The following TBC1D22A variants were observed in gnomAD, a reference collection of about 807,000 sequenced individuals.
TBC1D22A encodes TBC1 domain family member 22A, also known as putative GTPase activator.
A neutral mutation model predicts 60.2 loss-of-function variants in TBC1D22A; 38 were observed. That is an observed-to-expected ratio of 0.63 (90% CI 0.49 to 0.83). The LOEUF (loss-of-function observed/expected upper bound fraction) is 0.83. TBC1D22A is among the 40% of genes least tolerant of loss of function. The pLI is 0.00. For synonymous variants in TBC1D22A, 302 were observed against 281.7 expected (o/e 1.07, Z -0.72); for missense variants, 628 against 701.0 (o/e 0.90, Z 1.18).
At chr22:46,899,442 G>C (rs553407578) in intron 7 of TBC1D22A, among the ~76,000 whole-genome samples, 1 of 145,210 alleles carries the variant, frequency 6.9e-6, no homozygotes, top group South Asian at 2.2e-4. Flanking sequence ...GCAATACTTC[G>C]TCTCAAAAAA....
intron 12 of TBC1D22A, among the ~76,000 whole-genome samples, chr22:47,149,494 G>T (rs1249170676): frequency 1.3e-5 from 2 of 152,276 alleles, no homozygotes; most frequent in Non-Finnish European, 2.9e-5. Context: ...GGCCAGGCTG[G>T]CTGCCGAGAA....
chr22:46,808,306 C>T (rs111982003), intron 4 of TBC1D22A, among the ~76,000 whole-genome samples: 6,225 of 149,782 alleles, frequency 0.042, 421 homozygotes, highest in African/African-American at 0.14. Context: ...TGCAGTGAGC[C>T]GAGATTGTGC....
intron 12 of TBC1D22A, among the ~76,000 whole-genome samples, chr22:47,168,595 C>A (rs1019559730): frequency 2.0e-5 from 3 of 152,204 alleles, no homozygotes; most frequent in Admixed American, 6.5e-5. Context: ...GCTTCCCTCG[C>A]TGCTGCCCGT....
rs552366756 is a variant in TBC1D22A, at chr22:47,077,678, G to C, written c.1330-33830G>C. On this transcript the variant is annotated intron_variant, in intron 11 of 12. Coordinates refer to ENST00000337137, the MANE Select transcript of TBC1D22A (RefSeq NM_014346.5). ...GGTGGGGAGTGAGACAAGTGAAGAGGCAGTCGCACTGCAGAGCACCGAAGG... is the reference window on the plus strand; with the variant it reads ...GGTGGGGAGTGAGACAAGTGAAGAGCCAGTCGCACTGCAGAGCACCGAAGG... Among the ~76,000 whole-genome samples the C allele has an allele frequency of 6.4e-4, 97 of 152,370 alleles. 1 individual carries two copies. The highest frequency in any genetic ancestry group is 2.2e-3 in the African/African-American group (93 of 41,584).
intron 11 of TBC1D22A, among the ~76,000 whole-genome samples, chr22:47,104,490 T>C (rs2065547065): frequency 6.7e-6 from 1 of 149,496 alleles, no homozygotes; most frequent in South Asian, 2.1e-4. Context: ...AGGTCAGGAG[T>C]TTAAGACCAG....
At chr22:47,109,586 C>T (rs1437978016) in intron 11 of TBC1D22A, among the ~76,000 whole-genome samples, 1 of 152,154 alleles carries the variant, frequency 6.6e-6, no homozygotes, top group Non-Finnish European at 1.5e-5. Flanking sequence ...ACCAGGATCC[C>T]CAAGTGTCTT....
chr22:46,861,228 G>A (rs2087866271), intron 4 of TBC1D22A, among the ~76,000 whole-genome samples: 1 of 151,976 alleles, frequency 6.6e-6, no homozygotes, highest in Non-Finnish European at 1.5e-5. Context: ...CAAAGTGCTG[G>A]GATTATAAAC....
chr22:46,804,493 C>T (rs748061030), intron 4 of TBC1D22A, among the ~76,000 whole-genome samples: 15 of 152,294 alleles, frequency 9.8e-5, no homozygotes, highest in Non-Finnish European at 1.8e-4. Context: ...TCTCTCTCAG[C>T]GGCTGTTTTA....
At chr22:46,968,208 C>T (rs907860796) in intron 8 of TBC1D22A, among the ~76,000 whole-genome samples, 1 of 152,190 alleles carries the variant, frequency 6.6e-6, no homozygotes. Flanking sequence ...ATGGATGCTC[C>T]TTACTGAGTC....
chr22:46,800,526 G>C (rs1352374041), intron 4 of TBC1D22A, among the ~76,000 whole-genome samples: 1 of 152,122 alleles, frequency 6.6e-6, no homozygotes, highest in Non-Finnish European at 1.5e-5. Context: ...TCCTGGAGCC[G>C]GGCTGCCTGT....
chr22:46,957,841 A>G (rs1158579035), intron 8 of TBC1D22A, among the ~76,000 whole-genome samples: 1 of 152,134 alleles, frequency 6.6e-6, no homozygotes, highest in African/African-American at 2.4e-5. Flanking sequence ...GAGGGGAGGG[A>G]CGGCCATCAA....
chr22:47,092,066 G>A (rs951937129), intron 11 of TBC1D22A, among the ~76,000 whole-genome samples: 1 of 152,192 alleles, frequency 6.6e-6, no homozygotes, highest in African/African-American at 2.4e-5. Context: ...ACCATACAGG[G>A]ACCATATGGG....
At chr22:46,790,676 A>G (rs2084366735) in intron 1 of TBC1D22A, among the ~76,000 whole-genome samples, 1 of 152,212 alleles carries the variant, frequency 6.6e-6, no homozygotes. Context: ...TACCTTACTA[A>G]TGAATGAAGA....
chr22:46,809,003 C>T (rs1478027657), intron 4 of TBC1D22A, among the ~76,000 whole-genome samples: 1 of 152,178 alleles, frequency 6.6e-6, no homozygotes, highest in Non-Finnish European at 1.5e-5. Flanking sequence ...GCTTAAAATC[C>T]TAATGTAGAT....
intron 12 of TBC1D22A, among the ~76,000 whole-genome samples, chr22:47,120,897 G>A (rs748934227): frequency 6.6e-6 from 1 of 152,218 alleles, no homozygotes; most frequent in Non-Finnish European, 1.5e-5. Flanking sequence ...GAAAATGCCA[G>A]TTCACTCTAG....
chr22:47,126,408 T>TC (rs2066459668), intron 12 of TBC1D22A, among the ~76,000 whole-genome samples: 1 of 152,182 alleles, frequency 6.6e-6, no homozygotes, highest in Non-Finnish European at 1.5e-5. Context: ...GGCCCACGCT[T>TC]CCCTCTTGTA....
intron 9 of TBC1D22A, 81 bp from the exon 10 acceptor site, chr22:46,997,553 T>G: frequency 8.7e-7 from 1 of 1,147,338 alleles, no homozygotes; most frequent in Non-Finnish European, 1.3e-6. Flanking sequence ...GCTGTTCACT[T>G]TATCCCAGCT....
chr22:46,778,782 T>TG (rs35155348), intron 1 of TBC1D22A, among the ~76,000 whole-genome samples: 100,877 of 151,610 alleles, frequency 0.67, 33,597 homozygotes, highest in Middle Eastern at 0.78. Context: ...CACAGTGTAA[T>TG]CCTGTAATCC....
chr22:47,019,456 G>C (rs1433805147), intron 10 of TBC1D22A, among the ~76,000 whole-genome samples: 1 of 152,216 alleles, frequency 6.6e-6, no homozygotes, highest in African/African-American at 2.4e-5. Context: ...GACAGCGAGC[G>C]TGAAGGACTG....
Sources: allele counts gnomAD v4.1 joint callset (sites outside exome capture counted in the v4.1 genomes callset), GRCh38; gene constraint gnomAD v4.1.1; transcripts MANE v1.5; gene names NCBI Gene and HGNC (gene_info 2026-07-23, HGNC 2026-07-21).